Variants in MUC21 observed in about 807,000 individuals in gnomAD.
MUC21 encodes mucin-21.
Under a neutral mutation model 9.1 loss-of-function variants are expected in MUC21, and 8 were observed. The ratio of observed to expected loss-of-function variants is 0.88; its 90% CI spans 0.52 to 1.59. MUC21 has a LOEUF of 1.59. Among genes scored for constraint, MUC21 ranks in the 40% most tolerant of loss-of-function variants. The pLI, the probability that MUC21 is intolerant of heterozygous loss-of-function variation, is 0.00. For missense variants in MUC21, 478 were observed against 694.2 expected (o/e 0.69, Z 3.50); for synonymous variants, 189 against 275.2 (o/e 0.69, Z 3.10).
chr6:30,988,241 G>A lies in MUC21; in HGVS notation c.*47G>A, dbSNP rs142117997. 7.3e-3 allele frequency: 11,206 copies of A among 1,540,042 alleles called. 200 individuals are homozygous for A. The highest frequency in any genetic ancestry group is 0.044 in the South Asian group (3,668 of 82,918). ...GCATTCTTCAGGAAGGAAGAGACCT[G>A]GGCACCCAAGACCTGGTTTCCTTTC... On this transcript the variant is annotated 3_prime_UTR_variant, in exon 3 of 3. Coordinates refer to ENST00000376296, the MANE Select transcript of MUC21 (RefSeq NM_001010909.5).
In MUC21 at chr6:30,987,350, C is replaced by G. The variant is rs9262397; in HGVS notation, c.1175C>G (p.Thr392Ser). ...TCCAGTGGGGCCAGCACAGCCACCA[C>G]CTCTGAGTCCAGCACGACCTCCAGT... The part of the protein sequence containing the change: ...TVSSGASTAT[T>S]SESSTTSSGA... The change falls in exon 2 of 3, where the codon ACC (threonine) becomes AGC (serine). Residue 392 changes from threonine to serine, a missense_variant. Thr to Ser is a moderately conservative substitution (Grantham distance 58). This residue lies in a region of MUC21 where 155 missense variants were observed against 235.2 expected (regional missense o/e 0.66). Coordinates refer to ENST00000376296, the MANE Select transcript of MUC21 (RefSeq NM_001010909.5). The G allele has an allele frequency of 3.3e-5, 39 of 1,186,270 alleles. 2 individuals carry two copies. In the South Asian group the frequency reaches 4.9e-4, roughly 15 times the overall value. The allele number at this position is 1,186,270 out of a possible 1,614,324, so 73.5% of individuals were successfully genotyped here.
In MUC21 at chr6:30,987,510, A is replaced by G. The variant is rs1347035182; in HGVS notation, c.1335A>G (p.Ala445=). ...ACTCTGGGTCCAGTGTGACCTCTGC[A>G]GGCTCTGGAACAGCAGCTCTGACTG... ...ATNSGSSVTS[A]GSGTAALTGM... is the part of the protein sequence containing the mutation. Residue 445 remains alanine (A), a synonymous_variant, in exon 2 of 3, where the codon GCA becomes GCG. Coordinates refer to ENST00000376296, the MANE Select transcript of MUC21 (RefSeq NM_001010909.5). 6.2e-7 allele frequency: 1 copy of G among 1,614,260 alleles called. No homozygotes were observed. The highest frequency in any genetic ancestry group is 1.7e-5 in the Admixed American group (1 of 60,028).
rs1762143842 is a variant in MUC21, at chr6:30,983,944, G to T, written c.-15G>T. 2 of 778,896 alleles carry T rather than the reference G, an allele frequency of 2.6e-6. No individual in the cohort carries two copies. The highest frequency in any genetic ancestry group is 4.8e-6 in the Non-Finnish European group (2 of 417,748). 48.2% of individuals were successfully genotyped at this position (778,896 alleles called of 1,614,324 possible). On this transcript the variant is annotated 5_prime_UTR_variant, in exon 1 of 3. Coordinates refer to ENST00000376296, the MANE Select transcript of MUC21 (RefSeq NM_001010909.5). ...TAGGACCCAGGCATCTTGCTTTCCAGCCACAAAGAGACAGATGAAGATGCA... is the reference window on the plus strand; with the variant it reads ...TAGGACCCAGGCATCTTGCTTTCCATCCACAAAGAGACAGATGAAGATGCA...
In MUC21 at chr6:30,984,019, G is replaced by T. The variant is rs148833429; in HGVS notation, c.61G>T (p.Ala21Ser). 1 of 779,680 alleles carries T rather than the reference G, an allele frequency of 1.3e-6. No individual in the cohort carries two copies. The highest frequency in any genetic ancestry group is 2.4e-6 in the Non-Finnish European group (1 of 417,996). The allele number at this position is 779,680 out of a possible 1,614,324, so 48.3% of individuals were successfully genotyped here. Residue 21 changes from alanine to serine, a missense_variant and splice_region_variant, in exon 1 of 3, where the codon GCA (alanine) becomes TCA (serine). Transcript: ENST00000376296. ...MFGLLLHLEA[A>S]TNSNETSTSA... ...TGGTCTACTATTGCATTTAGAAGCT[G>T]GTGAGTGATTTTATTTAAAATCGGG...
chr6:30,986,164 A>G, intron 1 of MUC21, 73 bp from the exon 2 acceptor site: 3 of 1,277,614 alleles, frequency 2.3e-6, no homozygotes, highest in South Asian at 1.4e-5. Flanking sequence ...AAAATTATGT[A>G]ATGAATTTAG....
chr6:30,986,642 G>A lies in MUC21; in HGVS notation c.467G>A (p.Ser156Asn). Residue 156 changes from serine (S) to asparagine (N), a missense_variant, in exon 2 of 3, where the codon AGC becomes AAC. By Grantham distance (46) the Ser-to-Asn change is conservative. Transcript: ENST00000376296. ...AGCACAGCCACCAACTCTGACTCCA[G>A]CACAACCTCCAGTGAGGCCAGCACA... is the stretch of plus-strand genomic sequence containing the variant. ...GASTATNSDSSTTSSEASTAT... is the reference protein window; with the variant it reads ...GASTATNSDSNTTSSEASTAT... 6.5e-7 allele frequency: 1 copy of A among 1,544,100 alleles called. No homozygotes were observed. The highest frequency in any genetic ancestry group is 1.5e-5 in the African/African-American group (1 of 68,450).
In MUC21 at chr6:30,988,157, T is replaced by C. The variant is rs778813100; in HGVS notation, c.1664T>C (p.Ile555Thr). Residue 555 changes from isoleucine (I) to threonine (T), a missense_variant, in exon 3 of 3, where the codon ATA becomes ACA. Physicochemically the swap from Ile to Thr is moderately conservative, Grantham distance 89. Around this residue, in one of 5 missense-constraint regions of MUC21, gnomAD observed 158 missense variants for 192.6 expected, o/e 0.82. Transcript: ENST00000376296. ...NWFWRRPVSS[I>T]AMEMSGRNSG... ...TTCTGGAGGAGACCAGTATCCTCGA[T>C]AGCCATGGAGATGAGCGGGAGGAAC... 13 of 1,612,610 alleles carry C rather than the reference T, an allele frequency of 8.1e-6. No individual in the cohort carries two copies. The highest frequency in any genetic ancestry group is 1.3e-5 in the African/African-American group (1 of 74,852).
intron 1 of MUC21, 148 bp downstream of exon 1, chr6:30,984,167 T>A: frequency 3.3e-6 from 2 of 600,224 alleles, no homozygotes; most frequent in Non-Finnish European, 6.0e-6. Context: ...ACAAGGTATG[T>A]CATGCAGGAA....
chr6:30,989,780 C>T lies in MUC21; in HGVS notation c.*1586C>T, dbSNP rs1451825309. The T allele has an allele frequency of 2.0e-5, 3 of 152,234 alleles. No homozygotes were observed. The highest frequency in any genetic ancestry group is 4.4e-5 in the Non-Finnish European group (3 of 68,056). 9.4% of individuals were successfully genotyped at this position (152,234 alleles called of 1,614,324 possible). ...TGATGTGACCAGTTGCACATGTTTTCCCCTAAAAGCTTACTCTAGAAAGGA... is the reference window on the plus strand; with the variant it reads ...TGATGTGACCAGTTGCACATGTTTTTCCCTAAAAGCTTACTCTAGAAAGGA... On this transcript the variant is annotated 3_prime_UTR_variant, in exon 3 of 3. Coordinates refer to ENST00000376296, the MANE Select transcript of MUC21 (RefSeq NM_001010909.5).
chr6:30,989,371 G>A lies in MUC21; in HGVS notation c.*1177G>A, dbSNP rs778675469. ...TTTTTTTAGATGGAGTTTTGCAGTG[G>A]TGCAATCATAGCTCATTGCAGCCTT... On this transcript the variant is annotated 3_prime_UTR_variant, in exon 3 of 3. Coordinates refer to ENST00000376296, the MANE Select transcript of MUC21 (RefSeq NM_001010909.5). 4 of 152,156 alleles carry A rather than the reference G, an allele frequency of 2.6e-5. No homozygotes were observed. The highest frequency in any genetic ancestry group is 5.9e-5 in the Non-Finnish European group (4 of 68,032). 9.4% of individuals were successfully genotyped at this position (152,156 alleles called of 1,614,324 possible).
In MUC21 at chr6:30,986,375, T is replaced by G; in HGVS notation, c.200T>G (p.Val67Gly). Residue 67 changes from valine (V) to glycine (G), a missense_variant, in exon 2 of 3, where the codon GTG becomes GGG. Physicochemically the swap from Val to Gly is moderately radical, Grantham distance 109. This residue lies in a region of MUC21 where 110 missense variants were observed against 108.3 expected (regional missense o/e 1.02). Coordinates refer to ENST00000376296, the MANE Select transcript of MUC21 (RefSeq NM_001010909.5). ...ACAGCCACCATCTCAGGGTCCAGCG[T>G]GACCTCCAATGGGGTCAGCATAGTC... ...VSTATISGSS[V>G]TSNGVSIVTN... 1 of 1,514,416 alleles carries G rather than the reference T, an allele frequency of 6.6e-7. No individual in the cohort carries two copies. The highest frequency in any genetic ancestry group is 8.9e-7 in the Non-Finnish European group (1 of 1,117,988). The allele number at this position is 1,514,416 out of a possible 1,614,324, so 93.8% of individuals were successfully genotyped here.
chr6:30,986,306 C>T lies in MUC21; in HGVS notation c.131C>T (p.Thr44Ile). The T allele has an allele frequency of 6.2e-7, 1 of 1,613,992 alleles. No individual in the cohort carries two copies. The highest frequency in any genetic ancestry group is 8.5e-7 in the Non-Finnish European group (1 of 1,179,886). ...AGTGTGATCTCCAGTGGAGCCAGCA[C>T]AGCCACCAACTCTGGGTCCAGTGTG... ...GSSVISSGAS[T>I]ATNSGSSVTS... is the part of the protein sequence containing the mutation. Residue 44 changes from threonine to isoleucine, a missense_variant, in exon 2 of 3, where the codon ACA becomes ATA. Thr to Ile is a moderately conservative substitution (Grantham distance 89). Around this residue, in one of 5 missense-constraint regions of MUC21, gnomAD observed 110 missense variants for 108.3 expected, o/e 1.02. Transcript: ENST00000376296.
chr6:30,987,967 C>A (rs2150694107), intron 2 of MUC21, 33 bp from the exon 3 acceptor site: 2 of 1,009,982 alleles, frequency 2.0e-6, no homozygotes, highest in Non-Finnish European at 3.2e-6. Context: ...GACAGGGATG[C>A]AATTCTGAAA....
chr6:30,988,134 C>A lies in MUC21; in HGVS notation c.1641C>A (p.Phe547Leu). 1 of 1,612,940 alleles carries A rather than the reference C, an allele frequency of 6.2e-7. No homozygotes were observed. Among genetic ancestry groups the A allele is most frequent in the Non-Finnish European group, 8.5e-7 (1 of 1,180,002 alleles). Residue 547 changes from phenylalanine (F) to leucine (L), a missense_variant, in exon 3 of 3, where the codon TTC (phenylalanine) becomes TTA (leucine). Physicochemically the swap from Phe to Leu is conservative, Grantham distance 22 (BLOSUM62 0). This residue lies in a region of MUC21 where 158 missense variants were observed against 192.6 expected (regional missense o/e 0.82). Coordinates refer to ENST00000376296, the MANE Select transcript of MUC21 (RefSeq NM_001010909.5). ...GGCCCAGGTGGAGTCCTAACTGGTTCTGGAGGAGACCAGTATCCTCGATAG... is the reference window on the plus strand; with the variant it reads ...GGCCCAGGTGGAGTCCTAACTGGTTATGGAGGAGACCAGTATCCTCGATAG... ...PHRPRWSPNW[F>L]WRRPVSSIAM...
chr6:30,984,756 C>T (rs1762177770), intron 1 of MUC21, among the ~76,000 whole-genome samples: 1 of 151,866 alleles, frequency 6.6e-6, no homozygotes, highest in Non-Finnish European at 1.5e-5. Flanking sequence ...GGGTGGATGT[C>T]TTGAGGCCAG....
Position 30,988,313 on chromosome 6 carries a change from T to C in MUC21, c.*119T>C. The stretch of plus-strand genomic sequence containing the variant: ...CCAGCTTTGTTTGAGATCCTGAAAA[T>C]CTTGAAGAAGGTATTCCTCACCTTT... On this transcript the variant is annotated 3_prime_UTR_variant, in exon 3 of 3. Transcript: ENST00000376296. 1.1e-6 allele frequency: 1 copy of C among 928,672 alleles called. No individual in the cohort carries two copies. The highest frequency in any genetic ancestry group is 1.8e-5 in the South Asian group (1 of 55,238). The allele number at this position is 928,672 out of a possible 1,614,324, so 57.5% of individuals were successfully genotyped here.
rs1329399915 is a variant in MUC21, at chr6:30,988,126, A to C, written c.1633A>C (p.Asn545His). 6.2e-7 allele frequency: 1 copy of C among 1,612,972 alleles called. No individual in the cohort carries two copies. The highest frequency in any genetic ancestry group is 8.5e-7 in the Non-Finnish European group (1 of 1,180,012). The stretch of plus-strand genomic sequence containing the variant: ...CCCCCACAGGCCCAGGTGGAGTCCT[A>C]ACTGGTTCTGGAGGAGACCAGTATC... ...GAPHRPRWSP[N>H]WFWRRPVSSI... is the part of the protein sequence containing the mutation. Residue 545 changes from asparagine to histidine, a missense_variant, in exon 3 of 3, where the codon AAC (asparagine) becomes CAC (histidine). Transcript: ENST00000376296.
chr6:30,986,846 C>T lies in MUC21; in HGVS notation c.671C>T (p.Thr224Ile). Residue 224 changes from threonine to isoleucine, a missense_variant, in exon 2 of 3, where the codon ACA becomes ATA. Physicochemically the swap from Thr to Ile is moderately conservative, Grantham distance 89 (BLOSUM62 -1). Around this residue, in one of 5 missense-constraint regions of MUC21, gnomAD observed 155 missense variants for 235.2 expected, o/e 0.66. Transcript: ENST00000376296. ...AGAACGACCTCCAATGGGGCTGGCACAGCCACCAACTCTGAGTCCAGCACG... is the reference window on the plus strand; with the variant it reads ...AGAACGACCTCCAATGGGGCTGGCATAGCCACCAACTCTGAGTCCAGCACG... Reference protein sequence around the residue: ...ESRTTSNGAGTATNSESSTTS... With the variant: ...ESRTTSNGAGIATNSESSTTS... 11 of 1,592,316 alleles carry T rather than the reference C, an allele frequency of 6.9e-6. No homozygotes were observed. Among genetic ancestry groups the T allele is most frequent in the Non-Finnish European group, 9.4e-6 (11 of 1,168,694 alleles).
chr6:30,987,759 G>A, intron 2 of MUC21, 78 bp downstream of exon 2: 1 of 1,554,560 alleles, frequency 6.4e-7, no homozygotes, highest in Non-Finnish European at 8.6e-7. Flanking sequence ...AATAGAAGGG[G>A]TCTCAAGTCA....
Sources: allele counts gnomAD v4.1 joint callset (sites outside exome capture counted in the v4.1 genomes callset), GRCh38; gene constraint gnomAD v4.1.1; regional missense constraint gnomAD v4.1.1; transcripts MANE v1.5; gene names NCBI Gene and HGNC (gene_info 2026-07-23, HGNC 2026-07-21).